Variants in HUWE1 observed in about 807,000 individuals in gnomAD.
HUWE1 encodes E3 ubiquitin-protein ligase HUWE1.
HUWE1 carries 18 observed loss-of-function variants against 299.4 expected under a neutral mutation model. The observed-to-expected ratio is 0.06, with a 90% CI of 0.04 to 0.09. HUWE1 has a LOEUF of 0.09. HUWE1 is among the 10% of genes least tolerant of loss of function. HUWE1 has a pLI of 1.00. For synonymous variants in HUWE1, 1,317 were observed against 1,286.1 expected (o/e 1.02, Z -0.51); for missense variants, 1,832 against 3,462.3 (o/e 0.53, Z 11.82).
intron 30 of HUWE1, 108 bp from the exon 31 acceptor site, chrX:53,594,729 C>T: frequency 1.3e-6 from 1 of 758,800 alleles, no homozygotes; most frequent in Non-Finnish European, 2.0e-6. Flanking sequence ...TGAAGTGACA[C>T]CTCCCACCTA....
intron 83 of HUWE1, chrX:53,533,757 A>G (rs1393609886): frequency 4.5e-6 from 2 of 448,802 alleles, no homozygotes; most frequent in Non-Finnish European, 7.8e-6. Flanking sequence ...TCCTTGCTCC[A>G]GTCACGCTGG....
intron 25 of HUWE1, 122 bp from the exon 26 acceptor site, chrX:53,604,956 T>A (rs1331681801): frequency 1.5e-6 from 1 of 667,131 alleles, no homozygotes; most frequent in Non-Finnish European, 2.3e-6. Context: ...GATATGGCCA[T>A]GGTCTCTCAC....
At chrX:53,635,425 C>A (rs2067144514) in intron 7 of HUWE1, among the ~76,000 whole-genome samples, 1 of 110,625 alleles carries the variant, frequency 9.0e-6, no homozygotes, top group African/African-American at 3.3e-5. Context: ...GTCAAAGGAT[C>A]CTCCTGCCTC....
At position 53,628,592 on chromosome X, in the gene HUWE1, C is replaced by T; in HGVS notation, c.1143G>A (p.Gln381=). Residue 381 remains glutamine, a synonymous_variant, in exon 15 of 84, where the codon CAG becomes CAA. Coordinates refer to ENST00000262854, the MANE Select transcript of HUWE1 (RefSeq NM_031407.7). ...AAAAAGAGAAGAGAGCAGTGGCAAA[C>T]TGGTGAGGGTATGGATCCATGGAAG... ...IDPSMDPYPH[Q]FATALFSFLY... is the part of the protein sequence containing the mutation. 1 of 1,168,414 alleles carries T rather than the reference C, an allele frequency of 8.6e-7. No individual in the cohort carries two copies. The highest frequency in any genetic ancestry group is 1.1e-6 in the Non-Finnish European group (1 of 873,196).
chrX:53,593,442 C>T lies in HUWE1; in HGVS notation c.3663G>A (p.Ser1221=), dbSNP rs142126065. 1,245 of 1,209,598 alleles carry T rather than the reference C, an allele frequency of 1.0e-3. 3 individuals are homozygous for T. Among genetic ancestry groups the T allele is most frequent in the Admixed American group, 1.3e-3 (58 of 45,841 alleles). Residue 1221 remains serine (S), a synonymous_variant, in exon 32 of 84, where the codon TCG becomes TCA. Coordinates refer to ENST00000262854, the MANE Select transcript of HUWE1 (RefSeq NM_031407.7). ...NPTTVLESPH[S]LPAKLPGGVQ... ...CACCTCCAGGCAATTTGGCAGGCAG[C>T]GAATGTGGAGATTCAAGCACCGTGG... is the stretch of plus-strand genomic sequence containing the variant.
intron 23 of HUWE1, 75 bp downstream of exon 23, chrX:53,614,459 T>C: frequency 1.4e-6 from 1 of 718,772 alleles, no homozygotes; most frequent in Non-Finnish European, 2.2e-6. Flanking sequence ...TAGATGAAAG[T>C]GTTCATTAAG....
intron 2 of HUWE1, among the ~76,000 whole-genome samples, chrX:53,682,509 G>C (rs1231389706): frequency 2.7e-5 from 3 of 111,114 alleles, no homozygotes. Context: ...CGGTGGCATG[G>C]GGGGAAGAGG....
intron 3 of HUWE1, among the ~76,000 whole-genome samples, chrX:53,670,966 GATCAT>G (rs1444084046): frequency 8.9e-6 from 1 of 112,291 alleles, no homozygotes; most frequent in Non-Finnish European, 1.9e-5. Context: ...AATCATGATG[GATCAT>G]ATACTAAACA....
At chrX:53,594,127 A>C (rs896379513) in intron 31 of HUWE1, among the ~76,000 whole-genome samples, 16 of 111,817 alleles carry the variant, frequency 1.4e-4, no homozygotes, top group Non-Finnish European at 3.0e-4. Context: ...CAAAACAAAA[A>C]AAACACAAAA....
chrX:53,663,412 C>T (rs1161455913), intron 3 of HUWE1, among the ~76,000 whole-genome samples: 15 of 111,233 alleles, frequency 1.3e-4, no homozygotes, highest in African/African-American at 4.9e-4. Flanking sequence ...ACTTCGGAGG[C>T]TGAGGCAGGA....
chrX:53,550,105 C>T (rs782743468), intron 66 of HUWE1, among the ~76,000 whole-genome samples: 4 of 111,291 alleles, frequency 3.6e-5, no homozygotes, highest in South Asian at 7.7e-4. Context: ...GGTTAAGTGA[C>T]TTGCCCTACA....
intron 41 of HUWE1, 102 bp downstream of exon 41, chrX:53,584,084 T>C: frequency 2.3e-6 from 2 of 880,554 alleles, no homozygotes; most frequent in Non-Finnish European, 1.7e-6. Context: ...TACGTATCTT[T>C]AATCTGTTAA....
chrX:53,601,663 G>GA (rs1556990857), intron 28 of HUWE1, among the ~76,000 whole-genome samples: 1 of 91,300 alleles, frequency 1.1e-5, no homozygotes, highest in Non-Finnish European at 2.3e-5. Flanking sequence ...CTGAAATTTG[G>GA]AATTTTTTTT....
At chrX:53,582,601 T>A (rs1437254254) in intron 42 of HUWE1, among the ~76,000 whole-genome samples, 1 of 112,499 alleles carries the variant, frequency 8.9e-6, no homozygotes. Context: ...TGCTTATAAA[T>A]GTGGGAAACA....
intron 47 of HUWE1, among the ~76,000 whole-genome samples, chrX:53,572,674 G>A (rs1556952863): frequency 8.9e-6 from 1 of 111,939 alleles, no homozygotes; most frequent in African/African-American, 3.3e-5. Flanking sequence ...TCTGCATCAG[G>A]ACACTTCATT....
At position 53,549,275 on chromosome X, in the gene HUWE1, A is replaced by G. The variant is rs781831280; in HGVS notation, c.9719T>C (p.Ile3240Thr). ...LQRSSESELC[I>T]ETPKLTTSEE... is the part of the protein sequence containing the mutation. ...ACTTGTAGTGAGTTTGGGTGTTTCA[A>G]TGCATAGCTCACTCTCACTGCTGCG... Residue 3240 changes from isoleucine to threonine, a missense_variant, in exon 67 of 84, where the codon ATT becomes ACT. Around this residue, in one of 15 missense-constraint regions of HUWE1, gnomAD observed 80 missense variants for 142.1 expected, o/e 0.56. Coordinates refer to ENST00000262854, the MANE Select transcript of HUWE1 (RefSeq NM_031407.7). 1.7e-6 allele frequency: 2 copies of G among 1,211,560 alleles called. No individual in the cohort carries two copies. Among genetic ancestry groups the G allele is most frequent in the Middle Eastern group, 2.3e-4 (1 of 4,354 alleles).
rs1411380680 is a variant in HUWE1, at chrX:53,683,827, C to A, written c.-163+2443G>T. On this transcript the variant is annotated intron_variant, in intron 2 of 83. Coordinates refer to ENST00000262854, the MANE Select transcript of HUWE1 (RefSeq NM_031407.7). ...CCTCCGCCGCCATCTTAACAGCAGG[C>A]GGACCGACCCTAGTCACTGCCCCCC... The A allele has an allele frequency of 1.2e-5, 3 of 240,883 alleles. No homozygotes were observed. In the East Asian group the frequency reaches 1.9e-4, roughly 16 times the overall value. 19.9% of individuals were successfully genotyped at this position (240,883 alleles called of 1,213,427 possible).
rs2062688694 is a variant in HUWE1, at chrX:53,568,838, C to T, written c.6561G>A (p.Met2187Ile). The change falls in exon 49 of 84, where the codon ATG (methionine) becomes ATA (isoleucine). Residue 2187 changes from methionine to isoleucine, a missense_variant. By Grantham distance (10) the Met-to-Ile change is conservative. Transcript: ENST00000262854. ...QAVMCIISTIMESCPSTSSFY... is the reference protein window; with the variant it reads ...QAVMCIISTIIESCPSTSSFY... Reference sequence around the variant, plus strand: ...AGCTGGAGGTGGAGGGGCAGGACTCCATGATAGTACTGATGATACACATCA... The same window carrying T: ...AGCTGGAGGTGGAGGGGCAGGACTCTATGATAGTACTGATGATACACATCA... The T allele has an allele frequency of 1.7e-6, 2 of 1,204,541 alleles. No individual in the cohort carries two copies. Among genetic ancestry groups the T allele is most frequent in the Admixed American group, 2.2e-5 (1 of 45,256 alleles).
chrX:53,563,615 C>T, intron 52 of HUWE1, 131 bp downstream of exon 52: 1 of 711,231 alleles, frequency 1.4e-6, no homozygotes. Context: ...CCGTCAACAT[C>T]AAGACAAGCA....
Sources: allele counts gnomAD v4.1 joint callset (sites outside exome capture counted in the v4.1 genomes callset), GRCh38; gene constraint gnomAD v4.1.1; regional missense constraint gnomAD v4.1.1; transcripts MANE v1.5; gene names NCBI Gene and HGNC (gene_info 2026-07-23, HGNC 2026-07-21).